The following TYW3 variants were observed in gnomAD, a reference collection of about 807,000 sequenced individuals.
TYW3 encodes tRNA wybutosine-synthesizing protein 3 homolog.
In TYW3, 26 loss-of-function variants were observed where a neutral mutation model predicts 23.1. That is an observed-to-expected ratio of 1.13 (90% CI 0.83 to 1.56). The LOEUF (loss-of-function observed/expected upper bound fraction) is 1.56. TYW3 is among the 40% of genes most tolerant of loss of function. The probability of loss-of-function intolerance (pLI) is 0.00; values close to 1 mark genes in which losing one functional copy is unlikely to be tolerated. For synonymous variants in TYW3, 102 were observed against 105.7 expected (o/e 0.97, Z 0.21); for missense variants, 316 against 311.9 (o/e 1.01, Z -0.10).
intron 3 of TYW3, among the ~76,000 whole-genome samples, chr1:74,746,731 G>A (rs1274175831): frequency 6.6e-6 from 1 of 152,186 alleles, no homozygotes; most frequent in East Asian, 1.9e-4. Context: ...AGAGTCAGGG[G>A]AGAGCTGCAT....
chr1:74,753,894 A>G (rs185446102), intron 5 of TYW3, among the ~76,000 whole-genome samples: 2 of 152,326 alleles, frequency 1.3e-5, no homozygotes, highest in East Asian at 3.9e-4. Flanking sequence ...TACATTGGAG[A>G]AAAGTCAATT....
chr1:74,754,213 T>C (rs1648878353), intron 5 of TYW3, among the ~76,000 whole-genome samples: 1 of 152,158 alleles, frequency 6.6e-6, no homozygotes, highest in Non-Finnish European at 1.5e-5. Flanking sequence ...AGCTTATAAA[T>C]AGAGCCCAAG....
chr1:74,740,072 C>T (rs984184869), intron 3 of TYW3, among the ~76,000 whole-genome samples: 1 of 152,140 alleles, frequency 6.6e-6, no homozygotes, highest in Non-Finnish European at 1.5e-5. Context: ...TTATTGGTCT[C>T]GCTGACTTCA....
intron 5 of TYW3, among the ~76,000 whole-genome samples, chr1:74,758,088 A>G (rs1292593846): frequency 1.3e-5 from 2 of 152,214 alleles, no homozygotes; most frequent in Non-Finnish European, 2.9e-5. Context: ...CTAGAAGATG[A>G]GAGAGTAAGA....
intron 3 of TYW3, among the ~76,000 whole-genome samples, chr1:74,747,860 T>C (rs1570066105): frequency 6.9e-6 from 1 of 145,830 alleles, no homozygotes; most frequent in African/African-American, 2.5e-5. Context: ...CACATATGTA[T>C]GTATACATAC....
At chr1:74,754,124 T>C (rs146002757) in intron 5 of TYW3, among the ~76,000 whole-genome samples, 364 of 152,336 alleles carry the variant, frequency 2.4e-3, no homozygotes, top group African/African-American at 8.2e-3. Flanking sequence ...CTTATTAAAT[T>C]GTAATCCAGT....
At chr1:74,750,005 C>T (rs28378934) in intron 4 of TYW3, 8,639 of 152,280 alleles carry the variant, frequency 0.057, 392 homozygotes, top group South Asian at 0.19. Flanking sequence ...ATGTCCCCAT[C>T]TCACTCTTTA....
intron 5 of TYW3, among the ~76,000 whole-genome samples, chr1:74,761,952 G>A (rs2100779396): frequency 6.6e-6 from 1 of 152,204 alleles, no homozygotes; most frequent in African/African-American, 2.4e-5. Context: ...TTCAGTAACG[G>A]AAGGATGTAA....
intron 5 of TYW3, chr1:74,761,591 G>A (rs1649138261): frequency 6.6e-6 from 1 of 152,006 alleles, no homozygotes. Context: ...ATCAGGATGA[G>A]CCACACCATC....
intron 3 of TYW3, among the ~76,000 whole-genome samples, chr1:74,746,077 C>A (rs1648560100): frequency 6.6e-6 from 1 of 152,206 alleles, no homozygotes; most frequent in Non-Finnish European, 1.5e-5. Context: ...CCTGTAGACA[C>A]AATTCAGTCC....
chr1:74,748,770 C>G lies in TYW3; in HGVS notation c.374C>G (p.Ser125Cys), dbSNP rs779277345. The change falls in exon 4 of 6, where the codon TCT becomes TGT. Residue 125 changes from serine (S) to cysteine (C), a missense_variant. Transcript: ENST00000370867. Reference sequence around the variant, plus strand: ...TTACAGCATTCCATGGCAATAGATTCTGGTTTCAGGAACTCTGGCATAACG... The same window carrying G: ...TTACAGCATTCCATGGCAATAGATTGTGGTTTCAGGAACTCTGGCATAACG... ...AQILHSMAID[S>C]GFRNSGITVG... The G allele has an allele frequency of 6.2e-7, 1 of 1,614,000 alleles. No homozygotes were observed. The highest frequency in any genetic ancestry group is 1.1e-5 in the South Asian group (1 of 91,080).
intron 3 of TYW3, among the ~76,000 whole-genome samples, chr1:74,742,612 T>C (rs1648402511): frequency 6.6e-6 from 1 of 152,188 alleles, no homozygotes; most frequent in Non-Finnish European, 1.5e-5. Flanking sequence ...CTGCCTTTTC[T>C]CCTTCACCTT....
At chr1:74,747,657 GAAAAAA>G (rs1183804268) in intron 3 of TYW3, among the ~76,000 whole-genome samples, 1 of 148,440 alleles carries the variant, frequency 6.7e-6, no homozygotes, top group Non-Finnish European at 1.5e-5. Flanking sequence ...AAAAGAAAAA[GAAAAAA>G]AGAAAAGAAA....
chr1:74,741,168 T>G (rs1487176651), intron 3 of TYW3, among the ~76,000 whole-genome samples: 1 of 152,178 alleles, frequency 6.6e-6, no homozygotes, highest in Non-Finnish European at 1.5e-5. Context: ...TGCTAGAAAA[T>G]ATGATGAAAT....
At chr1:74,738,576 A>G (rs1278475513) in intron 2 of TYW3, 114 bp from the exon 3 acceptor site, 6 of 593,064 alleles carry the variant, frequency 1.0e-5, no homozygotes, top group Non-Finnish European at 1.6e-5. Flanking sequence ...TGCAGAAAAA[A>G]TATGCTGAGT....
intron 4 of TYW3, among the ~76,000 whole-genome samples, chr1:74,750,800 C>CTTTTTT (rs34468239): frequency 1.5e-4 from 10 of 67,678 alleles, no homozygotes; most frequent in African/African-American, 2.2e-4. Flanking sequence ...TCCCCCGCTC[C>CTTTTTT]TTTTTTTTTT....
At chr1:74,762,942 A>G (rs1031419464) in intron 5 of TYW3, among the ~76,000 whole-genome samples, 1 of 152,154 alleles carries the variant, frequency 6.6e-6, no homozygotes, top group Non-Finnish European at 1.5e-5. Context: ...TAACACTAAA[A>G]CTCCAATAGA....
rs1388619402 is a variant in TYW3, at chr1:74,764,709, ATAAT to A, written c.*598_*601del. 6.6e-6 allele frequency: 1 copy of A among 152,164 alleles called. No homozygotes were observed. The highest frequency in any genetic ancestry group is 2.4e-5 in the African/African-American group (1 of 41,454). 9.4% of individuals were successfully genotyped at this position (152,164 alleles called of 1,614,324 possible). A position where few individuals can be genotyped will look rare whatever the true frequency, so the allele number is the denominator to read the frequency against. ...TTATTATAGGAACAAAGATTTGGGAATAATTGATTACAGGTGAGGAAGTACTGGA... is the reference window on the plus strand; with the variant it reads ...TTATTATAGGAACAAAGATTTGGGAATGATTACAGGTGAGGAAGTACTGGA... On this transcript the variant is annotated 3_prime_UTR_variant, in exon 6 of 6. Coordinates refer to ENST00000370867, the MANE Select transcript of TYW3 (RefSeq NM_138467.3).
chr1:74,751,796 T>C (rs959478428), intron 4 of TYW3, among the ~76,000 whole-genome samples: 3 of 152,200 alleles, frequency 2.0e-5, no homozygotes, highest in Non-Finnish European at 4.4e-5. Flanking sequence ...GACTATTTCA[T>C]CAACAGGGCT....
Sources: gnomAD v4.1 joint callset for allele counts (sites outside exome capture counted in the v4.1 genomes callset) on GRCh38, gnomAD v4.1.1 for gene constraint, MANE v1.5 for transcripts, NCBI Gene and HGNC (gene_info 2026-07-23, HGNC 2026-07-21) for gene names.